SAMMSON: variants seen among roughly 807,000 people sequenced by gnomAD.
SAMMSON encodes long intergenic non-protein coding RNA 1212.
intron 1 of SAMMSON, among the ~76,000 whole-genome samples, chr3:70,008,579 T>A (rs574049699): frequency 1.6e-3 from 239 of 152,354 alleles, no homozygotes; most frequent in African/African-American, 5.5e-3. Flanking sequence ...TCATGTCATC[T>A]GCAAACAGGG....
At chr3:70,188,713 G>T (rs1559530842) in intron 4 of SAMMSON, among the ~76,000 whole-genome samples, 1 of 152,146 alleles carries the variant, frequency 6.6e-6, no homozygotes, top group African/African-American at 2.4e-5. Flanking sequence ...CTAAAGACTT[G>T]GCTGAATCAT....
At chr3:70,135,869 G>T (rs1325096171) in intron 4 of SAMMSON, among the ~76,000 whole-genome samples, 8 of 150,162 alleles carry the variant, frequency 5.3e-5, no homozygotes, top group African/African-American at 2.0e-4. Context: ...CTTGCTTCTT[G>T]TGTTTAATCA....
chr3:70,052,876 G>A (rs748874433), intron 3 of SAMMSON, among the ~76,000 whole-genome samples: 4 of 152,118 alleles, frequency 2.6e-5, no homozygotes, highest in East Asian at 1.9e-4. Flanking sequence ...GTATTCCAAC[G>A]TTAATGCGTA....
intron 4 of SAMMSON, among the ~76,000 whole-genome samples, chr3:70,139,820 A>G (rs4132504): frequency 0.75 from 113,551 of 152,036 alleles, 43,074 homozygotes; most frequent in Non-Finnish European, 0.81. Flanking sequence ...TGTGCAATAC[A>G]TCTTATTTGG....
At chr3:70,189,860 C>T (rs1701118391) in intron 4 of SAMMSON, among the ~76,000 whole-genome samples, 1 of 152,216 alleles carries the variant, frequency 6.6e-6, no homozygotes, top group South Asian at 2.1e-4. Flanking sequence ...TTTTAAACTA[C>T]TCTTTTTGAT....
chr3:70,033,591 G>A (rs1262753058), intron 3 of SAMMSON, among the ~76,000 whole-genome samples: 1 of 152,194 alleles, frequency 6.6e-6, no homozygotes, highest in African/African-American at 2.4e-5. Context: ...GCAAGTAACA[G>A]CCAGCCAGAT....
chr3:70,349,838 T>C (rs1221899066), intron 7 of SAMMSON, among the ~76,000 whole-genome samples: 1 of 152,156 alleles, frequency 6.6e-6, no homozygotes, highest in African/African-American at 2.4e-5. Context: ...TAATGGGTAA[T>C]TGCCTTAGCA....
intron 4 of SAMMSON, among the ~76,000 whole-genome samples, chr3:70,180,411 A>G (rs1701043357): frequency 1.3e-5 from 2 of 152,192 alleles, no homozygotes; most frequent in East Asian, 3.9e-4. Flanking sequence ...AACTGTATAT[A>G]CTACCTACAT....
intron 3 of SAMMSON, among the ~76,000 whole-genome samples, chr3:70,064,460 A>T (rs573040333): frequency 5.3e-5 from 8 of 152,248 alleles, no homozygotes; most frequent in African/African-American, 1.9e-4. Context: ...CCAAGTCTAT[A>T]AAGAAATGGG....
At chr3:70,031,002 G>A (rs553227276) in intron 3 of SAMMSON, among the ~76,000 whole-genome samples, 69 of 152,212 alleles carry the variant, frequency 4.5e-4, no homozygotes, top group African/African-American at 1.5e-3. Flanking sequence ...TCTCCAAATT[G>A]AACATAGATT....
intron 4 of SAMMSON, among the ~76,000 whole-genome samples, chr3:70,186,335 T>G (rs956841641): frequency 4.6e-5 from 7 of 152,198 alleles, no homozygotes; most frequent in African/African-American, 1.7e-4. Context: ...CTTGGCTCAC[T>G]GCAGCCTTGA....
chr3:70,019,259 G>C (rs1213048495), intron 3 of SAMMSON, among the ~76,000 whole-genome samples: 1 of 152,090 alleles, frequency 6.6e-6, no homozygotes, highest in Non-Finnish European at 1.5e-5. Flanking sequence ...TATGAATCTG[G>C]GTGCTCCTGT....
chr3:70,086,923 A>G (rs2106644494), intron 4 of SAMMSON, among the ~76,000 whole-genome samples: 1 of 152,296 alleles, frequency 6.6e-6, no homozygotes, highest in African/African-American at 2.4e-5. Context: ...GAGGGGAAAA[A>G]CTGAGGTATA....
intron 4 of SAMMSON, among the ~76,000 whole-genome samples, chr3:70,115,127 G>T (rs904518446): frequency 6.7e-6 from 1 of 149,798 alleles, no homozygotes; most frequent in Non-Finnish European, 1.5e-5. Flanking sequence ...TTCATTAAGT[G>T]CCTGGTCTGA....
chr3:70,240,272 A>T (rs1317226138), intron 4 of SAMMSON, among the ~76,000 whole-genome samples: 1 of 151,910 alleles, frequency 6.6e-6, no homozygotes. Flanking sequence ...AGCTTTTCCT[A>T]TATTATCTCA....
At chr3:70,025,424 G>T (rs1161985866) in intron 3 of SAMMSON, among the ~76,000 whole-genome samples, 1 of 152,000 alleles carries the variant, frequency 6.6e-6, no homozygotes, top group Non-Finnish European at 1.5e-5. Flanking sequence ...TTTGTATTTA[G>T]TAGAGAAGGG....
intron 4 of SAMMSON, chr3:70,125,872 C>T (rs2067455980): frequency 1.5e-6 from 1 of 683,164 alleles, no homozygotes; most frequent in Non-Finnish European, 2.7e-6. Context: ...CTCATCATCA[C>T]TGCTGTCATC....
chr3:70,338,576 C>A (rs1406100820), intron 7 of SAMMSON, among the ~76,000 whole-genome samples: 1 of 152,050 alleles, frequency 6.6e-6, no homozygotes, highest in Non-Finnish European at 1.5e-5. Context: ...AATCAAAGTG[C>A]AAAAATCACA....
chr3:70,021,380 T>G (rs1445396214), intron 3 of SAMMSON, among the ~76,000 whole-genome samples: 1 of 152,220 alleles, frequency 6.6e-6, no homozygotes, highest in Non-Finnish European at 1.5e-5. Context: ...TTTGCTGTTT[T>G]TATAACTGTT....
Sources: allele counts gnomAD v4.1 joint callset (sites outside exome capture counted in the v4.1 genomes callset), GRCh38; gene constraint gnomAD v4.1.1; transcripts MANE v1.5; gene names NCBI Gene and HGNC (gene_info 2026-07-23, HGNC 2026-07-21).